The following NRG4 variants were observed in gnomAD, a reference collection of about 807,000 sequenced individuals.
NRG4 encodes the protein pro-neuregulin-4, membrane-bound isoform.
In NRG4, 10 loss-of-function variants were observed where a neutral mutation model predicts 15.0. The observed-to-expected ratio is 0.67, with a 90% CI of 0.41 to 1.13. The LOEUF (loss-of-function observed/expected upper bound fraction) is 1.13. Among genes scored for constraint, NRG4 ranks in the 50% most tolerant of loss-of-function variants. The pLI is 0.00. For missense variants in NRG4, 139 were observed against 140.2 expected, an observed-to-expected ratio of 0.99 and a Z score of 0.04; for synonymous variants, 41 against 50.1, an observed-to-expected ratio of 0.82 and a Z score of 0.77.
chr15:75,982,804 G>T (rs1301668810), intron 3 of NRG4, among the ~76,000 whole-genome samples: 3 of 152,298 alleles, frequency 2.0e-5, no homozygotes, highest in South Asian at 4.1e-4. Context: ...TTCTGGGTGA[G>T]CATGAGCCAA....
At chr15:75,994,615 G>A (rs1357855736) in intron 3 of NRG4, among the ~76,000 whole-genome samples, 1 of 152,206 alleles carries the variant, frequency 6.6e-6, no homozygotes, top group Non-Finnish European at 1.5e-5. Context: ...TACTCCAGCT[G>A]TACACAAAGC....
At chr15:76,008,373 C>T (rs2034685811) in intron 3 of NRG4, among the ~76,000 whole-genome samples, 1 of 152,104 alleles carries the variant, frequency 6.6e-6, no homozygotes, top group Non-Finnish European at 1.5e-5. Flanking sequence ...TTTAACTTTT[C>T]CTATGGATTT....
At chr15:76,011,160 ATTG>A in intron 2 of NRG4, 58 bp downstream of exon 2, 2 of 1,267,404 alleles carry the variant, frequency 1.6e-6, no homozygotes, top group Non-Finnish European at 2.1e-6. Flanking sequence ...TACATTTTTG[ATTG>A]TTGTTCTATT....
intron 3 of NRG4, among the ~76,000 whole-genome samples, chr15:75,993,018 T>C (rs1322422934): frequency 2.6e-5 from 4 of 152,110 alleles, no homozygotes; most frequent in South Asian, 2.1e-4. Context: ...GGGTTCATAG[T>C]TTTTCCCTCT....
chr15:76,004,809 G>A (rs928740340), intron 3 of NRG4, among the ~76,000 whole-genome samples: 1 of 151,976 alleles, frequency 6.6e-6, no homozygotes, highest in East Asian at 1.9e-4. Flanking sequence ...AACACATGAT[G>A]CAACTATATG....
intron 5 of NRG4, among the ~76,000 whole-genome samples, chr15:76,034,697 A>AC (rs147986826): frequency 0.037 from 5,621 of 152,186 alleles, 182 homozygotes; most frequent in African/African-American, 0.085. Flanking sequence ...ATGAACTCTT[A>AC]AATAGACTTG....
intron 3 of NRG4, among the ~76,000 whole-genome samples, chr15:75,973,976 G>C (rs2033238544): frequency 6.6e-6 from 1 of 152,074 alleles, no homozygotes; most frequent in Admixed American, 6.6e-5. Flanking sequence ...GGTAGAATTC[G>C]GCTGTGAATT....
chr15:76,032,710 T>A (rs139467268), intron 5 of NRG4, among the ~76,000 whole-genome samples: 2 of 152,320 alleles, frequency 1.3e-5, no homozygotes, highest in African/African-American at 4.8e-5. Context: ...GCTATTACCA[T>A]GAATTAATTT....
chr15:76,028,071 A>G (rs1380913756), intron 5 of NRG4, among the ~76,000 whole-genome samples: 1 of 152,144 alleles, frequency 6.6e-6, no homozygotes, highest in African/African-American at 2.4e-5. Context: ...AAAAAACTAG[A>G]AAGATTTCAA....
chr15:75,973,327 C>T (rs1166927710), intron 3 of NRG4, among the ~76,000 whole-genome samples: 1 of 152,218 alleles, frequency 6.6e-6, no homozygotes, highest in South Asian at 2.1e-4. Context: ...GACAATTTGA[C>T]TTCCTCTCTT....
At chr15:75,976,563 T>C (rs906527706) in intron 3 of NRG4, among the ~76,000 whole-genome samples, 2 of 152,206 alleles carry the variant, frequency 1.3e-5, no homozygotes, top group South Asian at 2.1e-4. Flanking sequence ...TTTCTGTTAG[T>C]TTTCCTTCTA....
intron 4 of NRG4, among the ~76,000 whole-genome samples, chr15:75,958,076 G>A (rs1264947099): frequency 1.3e-5 from 2 of 151,752 alleles, no homozygotes; most frequent in East Asian, 1.9e-4. Flanking sequence ...GCAGTGGTGC[G>A]ATCTCAGCTC....
chr15:76,050,365 A>G (rs2035966700), intron 4 of NRG4, among the ~76,000 whole-genome samples: 1 of 150,364 alleles, frequency 6.7e-6, no homozygotes, highest in Non-Finnish European at 1.5e-5. Flanking sequence ...GAGGTTAGAA[A>G]AGAACAGGCA....
chr15:75,976,042 A>AT (rs921710534), intron 3 of NRG4, among the ~76,000 whole-genome samples: 14 of 149,258 alleles, frequency 9.4e-5, no homozygotes, highest in African/African-American at 3.2e-4. Context: ...GTTCCTTTTC[A>AT]TTTTTTTCTC....
At chr15:75,985,079 A>G (rs1346731040) in intron 3 of NRG4, among the ~76,000 whole-genome samples, 1 of 152,102 alleles carries the variant, frequency 6.6e-6, no homozygotes, top group Non-Finnish European at 1.5e-5. Context: ...TCCTGACCTC[A>G]AGTGGTCTGC....
rs1342366016 is a variant in NRG4 at position 75,943,520 on chromosome 15, T to TA, written c.*117dup. 2 of 688,670 alleles carry TA rather than the reference T, an allele frequency of 2.9e-6. No homozygotes were observed. Among genetic ancestry groups the TA allele is most frequent in the Non-Finnish European group, 5.1e-6 (2 of 390,268 alleles). 42.7% of individuals were successfully genotyped at this position (688,670 alleles called of 1,614,324 possible). A position where few individuals can be genotyped will look rare whatever the true frequency, so the allele number is the denominator to read the frequency against. On this transcript the variant is annotated 3_prime_UTR_variant, in exon 6 of 6. Transcript: ENST00000394907. ...ATGGATTATGGTTCATGATACGAGTTACACAAGCGTTTTATTTAAGAAATA... is the reference window on the plus strand; with the variant it reads ...ATGGATTATGGTTCATGATACGAGTTAACACAAGCGTTTTATTTAAGAAATA...
At chr15:75,983,167 GAACA>G (rs1361522154) in intron 3 of NRG4, among the ~76,000 whole-genome samples, 2 of 152,050 alleles carry the variant, frequency 1.3e-5, no homozygotes, top group African/African-American at 4.8e-5. Context: ...CCAGATATTG[GAACA>G]AACAGACAAG....
chr15:76,038,048 C>T (rs1298409174), intron 4 of NRG4, among the ~76,000 whole-genome samples: 1 of 152,134 alleles, frequency 6.6e-6, no homozygotes, highest in Non-Finnish European at 1.5e-5. Flanking sequence ...GGACCTATTC[C>T]TGGCAGGATG....
intron 4 of NRG4, among the ~76,000 whole-genome samples, chr15:76,036,441 T>TTA (rs2035598908): frequency 6.6e-6 from 1 of 152,204 alleles, no homozygotes; most frequent in South Asian, 2.1e-4. Context: ...TCATAGTTTT[T>TTA]TATATATATA....
Sources: allele counts gnomAD v4.1 joint callset (sites outside exome capture counted in the v4.1 genomes callset), GRCh38; gene constraint gnomAD v4.1.1; transcripts MANE v1.5; gene names NCBI Gene and HGNC (gene_info 2026-07-23, HGNC 2026-07-21).